Variants in SH3PXD2A observed in about 807,000 individuals in gnomAD.
The protein encoded by SH3PXD2A is SH3 and PX domain-containing protein 2A.
SH3PXD2A carries 32 observed loss-of-function variants against 115.2 expected under a neutral mutation model. That is an observed-to-expected ratio of 0.28 (90% CI 0.21 to 0.37). The LOEUF (loss-of-function observed/expected upper bound fraction) is 0.37. Among genes scored for constraint, SH3PXD2A ranks in the 10% least tolerant of loss-of-function variants. SH3PXD2A has a pLI of 1.00. For missense variants in SH3PXD2A, 1,328 were observed against 1,498.7 expected, an observed-to-expected ratio of 0.89 and a Z score of 1.88; for synonymous variants, 610 against 629.1, an observed-to-expected ratio of 0.97 and a Z score of 0.45.
intron 5 of SH3PXD2A, among the ~76,000 whole-genome samples, chr10:103,707,270 C>G (rs2037992965): frequency 6.6e-6 from 1 of 151,484 alleles, no homozygotes; most frequent in South Asian, 2.1e-4. Flanking sequence ...GATCTTGGCT[C>G]ACTGCAACCT....
intron 13 of SH3PXD2A, among the ~76,000 whole-genome samples, chr10:103,606,206 T>C (rs1196455354): frequency 6.6e-6 from 1 of 151,194 alleles, no homozygotes; most frequent in Non-Finnish European, 1.5e-5. Context: ...ATCATCATCA[T>C]CATCATCATC....
intron 8 of SH3PXD2A, among the ~76,000 whole-genome samples, chr10:103,647,254 A>G (rs1033271406): frequency 6.6e-6 from 1 of 152,060 alleles, no homozygotes; most frequent in Non-Finnish European, 1.5e-5. Context: ...TTGGATTTGG[A>G]TGTCTCCGTC....
chr10:103,759,059 C>T (rs7907035), intron 3 of SH3PXD2A, among the ~76,000 whole-genome samples: 1 of 151,874 alleles, frequency 6.6e-6, no homozygotes, highest in Non-Finnish European at 1.5e-5. Flanking sequence ...GCCCAGGGAG[C>T]GGGCCACGGA....
rs747453737 is a variant in SH3PXD2A, at chr10:103,766,684, G to A, written c.229+410C>T. 5.3e-5 allele frequency among the ~76,000 whole-genome samples: 8 copies of A among 152,304 alleles called. No homozygotes were observed. In the East Asian group the frequency reaches 1.5e-3, roughly 29 times the overall value. ...AGCCTCCTCTTCCATATAAGGTGAC[G>A]TGAGGACTGGAGGAGATCAGATCAG... On this transcript the variant is annotated intron_variant, in intron 3 of 14. Transcript: ENST00000369774.
At chr10:103,753,495 C>CAA (rs58148179) in intron 3 of SH3PXD2A, among the ~76,000 whole-genome samples, 93 of 65,098 alleles carry the variant, frequency 1.4e-3, no homozygotes, top group East Asian at 4.1e-3. Flanking sequence ...GACCCCATCT[C>CAA]AAAAAAAAAA....
At chr10:103,661,905 C>T (rs2037311740) in intron 7 of SH3PXD2A, 11 of 985,296 alleles carry the variant, frequency 1.1e-5, no homozygotes, top group Non-Finnish European at 1.3e-5. Context: ...GAGCCCAGCC[C>T]GCCCCCCGCC....
At chr10:103,816,771 T>C (rs2039327495) in intron 1 of SH3PXD2A, among the ~76,000 whole-genome samples, 1 of 152,158 alleles carries the variant, frequency 6.6e-6, no homozygotes, top group African/African-American at 2.4e-5. Flanking sequence ...AACTAAAACA[T>C]GAAAATAACT....
chr10:103,646,066 T>C (rs554722777), intron 8 of SH3PXD2A, among the ~76,000 whole-genome samples: 2 of 152,306 alleles, frequency 1.3e-5, no homozygotes, highest in South Asian at 2.1e-4. Context: ...GCCTGACATA[T>C]AGGAGGTGCT....
At chr10:103,670,220 C>T (rs1286833897) in intron 6 of SH3PXD2A, among the ~76,000 whole-genome samples, 2 of 152,138 alleles carry the variant, frequency 1.3e-5, no homozygotes, top group Admixed American at 6.5e-5. Context: ...TTTGGTGGAG[C>T]GGTCTAGCAA....
intron 8 of SH3PXD2A, among the ~76,000 whole-genome samples, chr10:103,646,961 G>T (rs1442561968): frequency 6.6e-6 from 1 of 151,162 alleles, no homozygotes; most frequent in Non-Finnish European, 1.5e-5. Flanking sequence ...CTGCCACACT[G>T]CCATCTCCCA....
At chr10:103,668,789 G>A in intron 6 of SH3PXD2A, 137 bp from the exon 7 acceptor site, 1 of 766,720 alleles carries the variant, frequency 1.3e-6, no homozygotes, top group Non-Finnish European at 2.3e-6. Context: ...GGAGGAGGGA[G>A]GAGAGTGATT....
At chr10:103,684,532 G>T (rs1006475815) in intron 6 of SH3PXD2A, among the ~76,000 whole-genome samples, 2 of 151,642 alleles carry the variant, frequency 1.3e-5, no homozygotes, top group Admixed American at 1.3e-4. Context: ...CTAATTTTTC[G>T]TATTTTTAGT....
At chr10:103,619,627 G>A (rs1195023048) in intron 10 of SH3PXD2A, among the ~76,000 whole-genome samples, 1 of 152,172 alleles carries the variant, frequency 6.6e-6, no homozygotes, top group Admixed American at 6.5e-5. Flanking sequence ...CCCAGCCTTC[G>A]CAGCCTCCCG....
chr10:103,821,903 CT>C (rs1159956994), intron 1 of SH3PXD2A, among the ~76,000 whole-genome samples: 1 of 78,310 alleles, frequency 1.3e-5, no homozygotes, highest in Admixed American at 1.5e-4. Flanking sequence ...CATCCTTCTT[CT>C]TTTTCTTTTT....
At chr10:103,687,375 C>G (rs574054072) in intron 6 of SH3PXD2A, among the ~76,000 whole-genome samples, 7 of 152,212 alleles carry the variant, frequency 4.6e-5, no homozygotes, top group Non-Finnish European at 1.0e-4. Flanking sequence ...TACAACAGAA[C>G]AGGTGAGATA....
chr10:103,813,148 T>C (rs1181320320), intron 1 of SH3PXD2A, among the ~76,000 whole-genome samples: 1 of 152,198 alleles, frequency 6.6e-6, no homozygotes, highest in Non-Finnish European at 1.5e-5. Flanking sequence ...GTATACCATA[T>C]GATTAAATCT....
intron 3 of SH3PXD2A, among the ~76,000 whole-genome samples, chr10:103,764,456 C>T (rs1004834400): frequency 6.6e-6 from 1 of 151,366 alleles, no homozygotes; most frequent in African/African-American, 2.5e-5. Flanking sequence ...AAGAAGGGCA[C>T]AGGGTGGGGG....
intron 5 of SH3PXD2A, among the ~76,000 whole-genome samples, chr10:103,706,884 A>G (rs2037987177): frequency 6.6e-6 from 1 of 152,156 alleles, no homozygotes; most frequent in African/African-American, 2.4e-5. Flanking sequence ...CAGCAAGTGC[A>G]GACAGTACAT....
At chr10:103,679,796 A>G (rs929235095) in intron 6 of SH3PXD2A, among the ~76,000 whole-genome samples, 2 of 152,198 alleles carry the variant, frequency 1.3e-5, no homozygotes, top group Non-Finnish European at 2.9e-5. Context: ...ACTGCTTAGC[A>G]TAGCAAGGAT....
Sources: allele counts gnomAD v4.1 joint callset (sites outside exome capture counted in the v4.1 genomes callset), GRCh38; gene constraint gnomAD v4.1.1; transcripts MANE v1.5; gene names NCBI Gene and HGNC (gene_info 2026-07-23, HGNC 2026-07-21).